Variants in UTRN observed in about 807,000 individuals in gnomAD.
UTRN encodes utrophin, also known as dystrophin-related protein 1.
In UTRN, 283 loss-of-function variants were observed where a neutral mutation model predicts 463.9. The observed-to-expected ratio is 0.61, with a 90% CI of 0.55 to 0.67. The LOEUF (loss-of-function observed/expected upper bound fraction) is 0.67, where lower values mean the gene tolerates loss of function less well. Ranked by LOEUF, UTRN falls within the 30% of genes least tolerant of loss-of-function variation. The pLI is 0.00. For synonymous variants in UTRN, 1,442 were observed against 1,431.5 expected, an observed-to-expected ratio of 1.01 and a Z score of -0.17; for missense variants, 3,922 against 4,084.3, an observed-to-expected ratio of 0.96 and a Z score of 1.08.
intron 2 of UTRN, 106 bp downstream of exon 2, chr6:144,292,013 G>C: frequency 1.5e-5 from 16 of 1,065,974 alleles, no homozygotes; most frequent in Non-Finnish European, 1.8e-5. Context: ...TGGAGGTGAA[G>C]TTCTTTTAAG....
intron 2 of UTRN, among the ~76,000 whole-genome samples, chr6:144,347,846 TTTTG>T (rs1388573323): frequency 2.1e-5 from 3 of 145,556 alleles, no homozygotes; most frequent in African/African-American, 5.6e-5. Flanking sequence ...TGTTTTTTTT[TTTTG>T]TTTTTTTTTT....
At chr6:144,787,133 TTGTCTCAG>T (rs563883087) in intron 61 of UTRN, among the ~76,000 whole-genome samples, 282 of 152,314 alleles carry the variant, frequency 1.9e-3, no homozygotes, top group Non-Finnish European at 3.0e-3. Context: ...ATTCATGTAC[TTGTCTCAG>T]CCCGTTCACA....
chr6:144,734,646 A>G lies in UTRN; in HGVS notation c.7939+4160A>G, dbSNP rs73593811. Among the ~76,000 whole-genome samples, 1,260 of 152,266 alleles carry G rather than the reference A, an allele frequency of 8.3e-3. 11 individuals carry two copies. The highest frequency in any genetic ancestry group is 0.027 in the African/African-American group (1,119 of 41,530). ...CCTGTCATCACTACATTCAAAAGGT[A>G]CCTAGAATATGATCCTTTATCACCA... On this transcript the variant is annotated intron_variant, in intron 54 of 74. Transcript: ENST00000367545.
intron 66 of UTRN, among the ~76,000 whole-genome samples, chr6:144,826,501 A>AG (rs1562957355): frequency 6.6e-6 from 1 of 152,114 alleles, no homozygotes; most frequent in Non-Finnish European, 1.5e-5. Flanking sequence ...TCAAAAAGCT[A>AG]GGGTTGGAAC....
intron 3 of UTRN, among the ~76,000 whole-genome samples, chr6:144,420,586 GAAA>G (rs999002604): frequency 4.9e-4 from 75 of 152,308 alleles, no homozygotes; most frequent in African/African-American, 1.6e-3. Context: ...TATTTATCAG[GAAA>G]AAGAGTTTAG....
chr6:144,749,269 A>G (rs1791111493), intron 55 of UTRN, among the ~76,000 whole-genome samples: 1 of 152,222 alleles, frequency 6.6e-6, no homozygotes, highest in African/African-American at 2.4e-5. Flanking sequence ...GTAGTCAGAT[A>G]AAAATAAGTA....
In UTRN at chr6:144,482,411, GTTATTATTATTA is replaced by G. The variant is rs113874319; in HGVS notation, c.3687+44_3687+55del. 2.5e-5 allele frequency: 25 copies of G among 1,002,622 alleles called. No homozygotes were observed. In the Middle Eastern group the frequency reaches 1.0e-3, roughly 40 times the overall value. The allele number at this position is 1,002,622 out of a possible 1,614,324, so 62.1% of individuals were successfully genotyped here. A position where few individuals can be genotyped will look rare whatever the true frequency, so the allele number is the denominator to read the frequency against. ...GAGGTATGCTATTATTATTATTGTT[GTTATTATTATTA>G]TTATTATTATTATTATTATTTTCAG... On this transcript the variant is annotated intron_variant, in intron 27 of 74. Coordinates refer to ENST00000367545, the MANE Select transcript of UTRN (RefSeq NM_007124.3).
chr6:144,340,909 C>G (rs1777092014), intron 2 of UTRN, among the ~76,000 whole-genome samples: 1 of 152,230 alleles, frequency 6.6e-6, no homozygotes, highest in Admixed American at 6.5e-5. Context: ...TCCTCACCAT[C>G]AAGTGTTTAC....
At chr6:144,510,482 G>A (rs1334156899) in intron 34 of UTRN, among the ~76,000 whole-genome samples, 6 of 152,174 alleles carry the variant, frequency 3.9e-5, no homozygotes, top group African/African-American at 1.4e-4. Flanking sequence ...ATCCTTGCAA[G>A]TACCTATAGT....
At chr6:144,468,567 G>A (rs948194249) in intron 23 of UTRN, among the ~76,000 whole-genome samples, 5 of 151,366 alleles carry the variant, frequency 3.3e-5, no homozygotes, top group African/African-American at 7.3e-5. Flanking sequence ...GTTTTGGTTT[G>A]TAAGAACTGA....
intron 23 of UTRN, 121 bp from the exon 24 acceptor site, chr6:144,473,599 A>AAATG: frequency 1.7e-6 from 1 of 589,190 alleles, no homozygotes; most frequent in Non-Finnish European, 2.9e-6. Flanking sequence ...GAAATAACAT[A>AAATG]AATGAAAGCG....
At chr6:144,645,942 C>G (rs1778252238) in intron 51 of UTRN, among the ~76,000 whole-genome samples, 1 of 152,136 alleles carries the variant, frequency 6.6e-6, no homozygotes, top group African/African-American at 2.4e-5. Context: ...TTATTGAAAA[C>G]ATATTATTTA....
intron 56 of UTRN, among the ~76,000 whole-genome samples, chr6:144,752,930 A>T (rs1269774957): frequency 6.6e-6 from 1 of 152,162 alleles, no homozygotes; most frequent in Admixed American, 6.6e-5. Context: ...TAGAGCTCAG[A>T]TGTTAGTTGC....
chr6:144,664,471 C>CTTT (rs11446896), intron 51 of UTRN, among the ~76,000 whole-genome samples: 49 of 141,258 alleles, frequency 3.5e-4, no homozygotes, highest in Non-Finnish European at 5.2e-4. Context: ...TGTTGTCTTA[C>CTTT]TTTTTTTTTT....
At chr6:144,633,637 T>G (rs1016498440) in intron 51 of UTRN, among the ~76,000 whole-genome samples, 2 of 152,210 alleles carry the variant, frequency 1.3e-5, no homozygotes, top group African/African-American at 4.8e-5. Flanking sequence ...ACAATTTCTT[T>G]CAGATAGTCA....
At chr6:144,334,361 A>G (rs1776561173) in intron 2 of UTRN, among the ~76,000 whole-genome samples, 1 of 151,746 alleles carries the variant, frequency 6.6e-6, no homozygotes, top group Admixed American at 6.6e-5. Context: ...GCAGATTAGT[A>G]GCTTCTGTGA....
At chr6:144,639,333 T>A (rs1777527996) in intron 51 of UTRN, among the ~76,000 whole-genome samples, 1 of 152,174 alleles carries the variant, frequency 6.6e-6, no homozygotes, top group Non-Finnish European at 1.5e-5. Context: ...TTCACTTTCC[T>A]TTGCTCCATA....
intron 61 of UTRN, among the ~76,000 whole-genome samples, chr6:144,784,450 C>T (rs998681694): frequency 2.0e-5 from 3 of 152,162 alleles, no homozygotes; most frequent in Admixed American, 6.5e-5. Context: ...CTGATGTGTG[C>T]TCATCTCCTC....
At chr6:144,811,440 T>C (rs188576719) in intron 65 of UTRN, among the ~76,000 whole-genome samples, 78 of 152,290 alleles carry the variant, frequency 5.1e-4, no homozygotes, top group Non-Finnish European at 9.6e-4. Context: ...TTTCAGCTCC[T>C]GCTCTCCTTA....
Sources: gnomAD v4.1 joint callset for allele counts (sites outside exome capture counted in the v4.1 genomes callset) on GRCh38, gnomAD v4.1.1 for gene constraint, MANE v1.5 for transcripts, NCBI Gene and HGNC (gene_info 2026-07-23, HGNC 2026-07-21) for gene names.